TNFAIP8: variants seen among roughly 807,000 people sequenced by gnomAD.
The protein encoded by TNFAIP8 is tumor necrosis factor alpha-induced protein 8.
TNFAIP8 carries 7 observed loss-of-function variants against 13.3 expected under a neutral mutation model. The ratio of observed to expected loss-of-function variants is 0.52; its 90% CI spans 0.30 to 0.99. TNFAIP8 has a LOEUF of 0.99. TNFAIP8 is among the 50% of genes least tolerant of loss of function. The pLI is 0.07. For missense variants in TNFAIP8, 258 were observed against 236.9 expected (o/e 1.09, Z -0.58); for synonymous variants, 94 against 87.6 (o/e 1.07, Z -0.41).
In TNFAIP8 at chr5:119,341,344, G is replaced by A. The variant is rs150135819; in HGVS notation, c.2-51472G>A. On this transcript the variant is annotated intron_variant, in intron 1 of 1. Transcript: ENST00000274456. ...TAGTGCTCTATGTGAACAATCTCAA[G>A]TCGTGAGACCTGTGGTAAATTTAGA... is the stretch of plus-strand genomic sequence containing the variant. 1.8e-3 allele frequency among the ~76,000 whole-genome samples: 281 copies of A among 152,278 alleles called. 1 individual carries two copies. Among genetic ancestry groups the A allele is most frequent in the African/African-American group, 6.5e-3 (270 of 41,556 alleles).
chr5:119,377,108 A>G (rs1468014329), intron 1 of TNFAIP8, among the ~76,000 whole-genome samples: 1 of 152,216 alleles, frequency 6.6e-6, no homozygotes, highest in Non-Finnish European at 1.5e-5. Flanking sequence ...ATAAAATAAA[A>G]GTGTATTGAA....
intron 1 of TNFAIP8, among the ~76,000 whole-genome samples, chr5:119,289,586 T>A (rs1007477877): frequency 9.2e-5 from 14 of 152,214 alleles, no homozygotes; most frequent in Admixed American, 7.9e-4. Flanking sequence ...ACAAGGGGAT[T>A]CTACCAGGTT....
intron 1 of TNFAIP8, among the ~76,000 whole-genome samples, chr5:119,381,611 G>C (rs1453913849): frequency 2.0e-5 from 3 of 151,844 alleles, no homozygotes; most frequent in Non-Finnish European, 4.4e-5. Context: ...CCATTCCCCT[G>C]TCTCTTTTTC....
At position 119,391,249 on chromosome 5, in the gene TNFAIP8, C is replaced by G. The variant is rs533767040; in HGVS notation, c.32-1567C>G. The G allele has an allele frequency of 1.3e-4, 78 of 602,556 alleles. No homozygotes were observed. In the African/African-American group the frequency reaches 1.4e-3, roughly 11 times the overall value. 37.3% of individuals were successfully genotyped at this position (602,556 alleles called of 1,614,324 possible). A position where few individuals can be genotyped will look rare whatever the true frequency, so the allele number is the denominator to read the frequency against. ...CCTTTTTGCTTCCTAATGATGCTAGCCTATCCAAACTAGAAATAATCTTAT... is the reference window on the plus strand; with the variant it reads ...CCTTTTTGCTTCCTAATGATGCTAGGCTATCCAAACTAGAAATAATCTTAT... On this transcript the variant is annotated intron_variant, in intron 1 of 1. Coordinates refer to ENST00000504771, the MANE Select transcript of TNFAIP8 (RefSeq NM_014350.4).
intron 1 of TNFAIP8, among the ~76,000 whole-genome samples, chr5:119,277,574 A>G (rs920164538): frequency 4.6e-5 from 7 of 152,188 alleles, no homozygotes; most frequent in Non-Finnish European, 5.9e-5. Context: ...CTTAAGACTA[A>G]TTTTAACTGA....
chr5:119,359,826 A>G (rs1484877675), intron 1 of TNFAIP8, among the ~76,000 whole-genome samples: 1 of 152,266 alleles, frequency 6.6e-6, no homozygotes, highest in East Asian at 1.9e-4. Flanking sequence ...ACCAAGGGGT[A>G]TAGCTGACCT....
At chr5:119,382,477 G>A (rs528572519) in intron 1 of TNFAIP8, among the ~76,000 whole-genome samples, 4 of 152,002 alleles carry the variant, frequency 2.6e-5, no homozygotes, top group Non-Finnish European at 4.4e-5. Flanking sequence ...CTCTCTTTTC[G>A]CCACACTCCT....
At chr5:119,313,054 A>G (rs1360193260) in intron 1 of TNFAIP8, among the ~76,000 whole-genome samples, 1 of 152,226 alleles carries the variant, frequency 6.6e-6, no homozygotes, top group East Asian at 1.9e-4. Flanking sequence ...ATTATATTAA[A>G]AGAACCTCAA....
At chr5:119,362,749 G>A (rs1751682935) in intron 1 of TNFAIP8, among the ~76,000 whole-genome samples, 3 of 151,570 alleles carry the variant, frequency 2.0e-5, no homozygotes, top group Admixed American at 1.3e-4. Context: ...CTATGGTCGT[G>A]CCATTGCATT....
At chr5:119,370,350 C>G (rs1424650872) in intron 1 of TNFAIP8, among the ~76,000 whole-genome samples, 1 of 152,202 alleles carries the variant, frequency 6.6e-6, no homozygotes, top group African/African-American at 2.4e-5. Context: ...ACATAAAACT[C>G]TTTAAGTTGA....
intron 1 of TNFAIP8, among the ~76,000 whole-genome samples, chr5:119,291,615 A>G (rs2150811051): frequency 2.0e-5 from 3 of 152,372 alleles, no homozygotes; most frequent in Admixed American, 2.0e-4. Flanking sequence ...GGCTGCTTTC[A>G]TCTTTGAATA....
At chr5:119,351,258 C>G (rs886347273), upstream of TNFAIP8, among the ~76,000 whole-genome samples, 13 of 152,052 alleles carry the variant, frequency 8.5e-5, no homozygotes, top group South Asian at 2.1e-4. Flanking sequence ...AACTTCTGGC[C>G]ACAAACAATC....
intron 1 of TNFAIP8, among the ~76,000 whole-genome samples, chr5:119,302,933 C>T (rs116138727): frequency 0.013 from 1,993 of 152,256 alleles, 52 homozygotes; most frequent in African/African-American, 0.046. Context: ...CGAATTGTTA[C>T]GCAGTCAGCC....
At chr5:119,279,098 A>G (rs999194810) in intron 1 of TNFAIP8, among the ~76,000 whole-genome samples, 14 of 152,326 alleles carry the variant, frequency 9.2e-5, no homozygotes, top group Admixed American at 5.9e-4. Context: ...AGTGCTTTAT[A>G]CACATTATTT....
At chr5:119,376,390 G>C (rs1161607561) in intron 1 of TNFAIP8, among the ~76,000 whole-genome samples, 2 of 151,926 alleles carry the variant, frequency 1.3e-5, no homozygotes, top group Non-Finnish European at 2.9e-5. Context: ...CAAAGTGCTG[G>C]GATTACAGGT....
At chr5:119,339,551 A>G (rs3813301) in intron 1 of TNFAIP8, among the ~76,000 whole-genome samples, 15,763 of 150,530 alleles carry the variant, frequency 0.1, 1,035 homozygotes, top group African/African-American at 0.19. Context: ...TGGGATTGCC[A>G]ACCCCTGATG....
At chr5:119,329,742 G>T (rs1414046422) in intron 1 of TNFAIP8, among the ~76,000 whole-genome samples, 1 of 151,858 alleles carries the variant, frequency 6.6e-6, no homozygotes, top group Non-Finnish European at 1.5e-5. Context: ...GGACCACAGT[G>T]AGAGCACCAT....
At chr5:119,390,124 A>G (rs1311138919) in intron 1 of TNFAIP8, among the ~76,000 whole-genome samples, 2 of 152,252 alleles carry the variant, frequency 1.3e-5, no homozygotes, top group African/African-American at 4.8e-5. Flanking sequence ...ATTTCACAAC[A>G]TAAAGTATGT....
At chr5:119,296,687 C>T (rs370834981) in intron 1 of TNFAIP8, among the ~76,000 whole-genome samples, 1 of 151,916 alleles carries the variant, frequency 6.6e-6, no homozygotes, top group African/African-American at 2.4e-5. Flanking sequence ...ATTGGAATAG[C>T]TTCAGAAGGA....
Sources: allele counts gnomAD v4.1 joint callset (sites outside exome capture counted in the v4.1 genomes callset), GRCh38; gene constraint gnomAD v4.1.1; transcripts MANE v1.5; gene names NCBI Gene and HGNC (gene_info 2026-07-23, HGNC 2026-07-21).